Variants in NR1H2 observed in about 807,000 individuals in gnomAD.
The protein encoded by NR1H2 is oxysterols receptor LXR-beta.
A neutral mutation model predicts 51.2 loss-of-function variants in NR1H2; 33 were observed. The ratio of observed to expected loss-of-function variants is 0.64; its 90% CI spans 0.49 to 0.86. The LOEUF is 0.86. Ranked by LOEUF, NR1H2 falls within the 40% of genes least tolerant of loss-of-function variation. The pLI is 0.00. For missense variants in NR1H2, 592 were observed against 639.9 expected (o/e 0.93, Z 0.81); for synonymous variants, 310 against 264.3 (o/e 1.17, Z -1.68).
Position 50,378,294 on chromosome 19 carries a change from C to G in NR1H2, c.327C>G (p.Gly109=), listed in dbSNP as rs768393556. The change falls in exon 5 of 10, where the codon GGC becomes GGG. Residue 109 remains glycine, a synonymous_variant. Coordinates refer to ENST00000253727, the MANE Select transcript of NR1H2 (RefSeq NM_007121.7). Reference sequence around the variant, plus strand: ...TGCTCAGCTGCGAAGGCTGCAAGGGCTTCTTCCGGCGCAGTGTGGTCCGTG... The same window carrying G: ...TGCTCAGCTGCGAAGGCTGCAAGGGGTTCTTCCGGCGCAGTGTGGTCCGTG... ...YNVLSCEGCK[G]FFRRSVVRGG... 1 of 1,613,432 alleles carries G rather than the reference C, an allele frequency of 6.2e-7. No homozygotes were observed. Among genetic ancestry groups the G allele is most frequent in the Non-Finnish European group, 8.5e-7 (1 of 1,180,036 alleles).
At position 50,379,850 on chromosome 19, in the gene NR1H2, C is replaced by T; in HGVS notation, c.998C>T (p.Thr333Ile). The stretch of plus-strand genomic sequence containing the variant: ...TGTATCACCTTCTTGAAGGACTTCA[C>T]CTACAGCAAGGACGACTTCCACCGT... ...TECITFLKDF[T>I]YSKDDFHRAG... The change falls in exon 8 of 10, where the codon ACC becomes ATC. Residue 333 changes from threonine (T) to isoleucine (I), a missense_variant. Thr to Ile is a moderately conservative substitution (Grantham distance 89). This residue lies in a region of NR1H2 where 102 missense variants were observed against 152.4 expected (regional missense o/e 0.67). Coordinates refer to ENST00000253727, the MANE Select transcript of NR1H2 (RefSeq NM_007121.7). 3 of 1,613,856 alleles carry T rather than the reference C, an allele frequency of 1.9e-6. No homozygotes were observed. Among genetic ancestry groups the T allele is most frequent in the Non-Finnish European group, 2.5e-6 (3 of 1,179,768 alleles).
At chr19:50,381,432 C>T (rs958078976) in intron 8 of NR1H2, among the ~76,000 whole-genome samples, 3 of 152,244 alleles carry the variant, frequency 2.0e-5, no homozygotes, top group South Asian at 2.1e-4. Context: ...ACTCACAGCC[C>T]TCTGACAGGC....
At chr19:50,382,414 AGGGCAG>A in intron 9 of NR1H2, 36 bp from the exon 10 acceptor site, 1 of 1,549,144 alleles carries the variant, frequency 6.5e-7, no homozygotes, top group Non-Finnish European at 8.7e-7. Context: ...AAAGCCTGGC[AGGGCAG>A]GGGCTCAGCC....
rs1032317586 is a variant in NR1H2 at position 50,376,790 on chromosome 19, C to G, written c.-56C>G. On this transcript the variant is annotated 5_prime_UTR_variant, in exon 2 of 10. Transcript: ENST00000253727. ...CGCGCGCAGCCATGAGCCCCGCCCC[C>G]CGCTGTTGCTTGGAGAGGGGCGGGA... The G allele has an allele frequency of 2.6e-5, 4 of 152,134 alleles. No individual in the cohort carries two copies. The highest frequency in any genetic ancestry group is 9.7e-5 in the African/African-American group (4 of 41,406). 9.4% of individuals were successfully genotyped at this position (152,134 alleles called of 1,614,324 possible).
At position 50,376,841 on chromosome 19, in the gene NR1H2, C is replaced by T. The variant is rs529350659; in HGVS notation, c.-20+15C>T. On this transcript the variant is annotated intron_variant, in intron 2 of 9. Coordinates refer to ENST00000253727, the MANE Select transcript of NR1H2 (RefSeq NM_007121.7). ...CCTGGAGAGAGGTGCGAGGGCGGAG[C>T]ATGAATGGAGGAGGCGGGGCGGGGC... 9.3e-4 allele frequency: 135 copies of T among 144,814 alleles called. 3 individuals are homozygous for T. The South Asian group carries it at 0.021, about 23-fold the overall frequency. The allele number at this position is 144,814 out of a possible 1,614,324, so 9.0% of individuals were successfully genotyped here.
intron 9 of NR1H2, 29 bp from the exon 10 acceptor site, chr19:50,382,427 A>G (rs2037789818): frequency 6.4e-7 from 1 of 1,562,096 alleles, no homozygotes; most frequent in Non-Finnish European, 8.6e-7. Flanking sequence ...GCAGGGGCTC[A>G]GCCAGCGCCC....
chr19:50,378,922 G>A (rs758148338), intron 6 of NR1H2, 80 bp from the exon 7 acceptor site: 2 of 1,551,966 alleles, frequency 1.3e-6, no homozygotes, highest in Non-Finnish European at 1.7e-6. Flanking sequence ...ATCCCCCAGG[G>A]TGCAGGCTTG....
Position 50,378,423 on chromosome 19 carries a change from A to T in NR1H2, c.456A>T (p.Ala152=), listed in dbSNP as rs146873189. The change falls in exon 5 of 10, where the codon GCA becomes GCT. Residue 152 remains alanine, a synonymous_variant. Transcript: ENST00000253727. Reference sequence around the variant, plus strand: ...GCCGGCTGCGCAAGTGCAAGGAGGCAGGGATGAGGGAGCAGTGTGAGTGCA... The same window carrying T: ...GCCGGCTGCGCAAGTGCAAGGAGGCTGGGATGAGGGAGCAGTGTGAGTGCA... The part of the protein sequence containing the change: ...QQCRLRKCKE[A]GMREQCVLSE... 1.9e-5 allele frequency: 31 copies of T among 1,600,300 alleles called. No individual in the cohort carries two copies. Among genetic ancestry groups the T allele is most frequent in the Non-Finnish European group, 2.3e-5 (27 of 1,170,232 alleles).
At position 50,378,318 on chromosome 19, in the gene NR1H2, T is replaced by C. The variant is rs752869060; in HGVS notation, c.351T>C (p.Arg117=). ...GCTTCTTCCGGCGCAGTGTGGTCCG[T>C]GGTGGGGCCAGGCGCTATGCCTGCC... ...CKGFFRRSVV[R]GGARRYACRG... Residue 117 remains arginine, a synonymous_variant, in exon 5 of 10, where the codon CGT becomes CGC. Coordinates refer to ENST00000253727, the MANE Select transcript of NR1H2 (RefSeq NM_007121.7). 14 of 1,613,072 alleles carry C rather than the reference T, an allele frequency of 8.7e-6. No individual in the cohort carries two copies. Among genetic ancestry groups the C allele is most frequent in the Non-Finnish European group, 1.2e-5 (14 of 1,179,968 alleles).
At position 50,378,224 on chromosome 19, in the gene NR1H2, T is replaced by A; in HGVS notation, c.257T>A (p.Leu86His). The A allele has an allele frequency of 6.2e-7, 1 of 1,613,630 alleles. No individual in the cohort carries two copies. Among genetic ancestry groups the A allele is most frequent in the South Asian group, 1.1e-5 (1 of 91,090 alleles). The change falls in exon 5 of 10, where the codon CTT becomes CAT. Residue 86 changes from leucine to histidine, a missense_variant. Leu to His is a moderately conservative substitution (Grantham distance 99, BLOSUM62 -3). Coordinates refer to ENST00000253727, the MANE Select transcript of NR1H2 (RefSeq NM_007121.7). ...GPAPKMLGHE[L>H]CRVCGDKASG... ...GCCCCGAAGATGCTGGGCCACGAGC[T>A]TTGCCGTGTCTGTGGGGACAAGGCC... is the stretch of plus-strand genomic sequence containing the variant.
Position 50,382,463 on chromosome 19 carries a change from T to A in NR1H2, c.1244T>A (p.Leu415Gln). The A allele has an allele frequency of 6.2e-7, 1 of 1,600,062 alleles. No homozygotes were observed. ...YTRIKRPQDQ[L>Q]RFPRMLMKLV... is the part of the protein sequence containing the mutation. ...ACCTGCCTCCTCCCTCAGGACCAGC[T>A]GCGCTTCCCGCGCATGCTCATGAAG... The change falls in exon 10 of 10, where the codon CTG (leucine) becomes CAG (glutamine). Residue 415 changes from leucine to glutamine, a missense_variant. Transcript: ENST00000253727.
Position 50,383,255 on chromosome 19 carries a change from G to A in NR1H2, c.*653G>A, listed in dbSNP as rs528125396. Among the ~76,000 whole-genome samples the A allele has an allele frequency of 6.6e-6, 1 of 151,338 alleles. No individual in the cohort carries two copies. Among genetic ancestry groups the A allele is most frequent in the African/African-American group, 2.4e-5 (1 of 40,990 alleles). ...GAACTCACCCTTGAAGGATAAACAG[G>A]ATTTAAGTGAATGAGGGGACCTGGA... On this transcript the variant is annotated 3_prime_UTR_variant, in exon 10 of 10. Transcript: ENST00000253727.
Position 50,382,764 on chromosome 19 carries a change from C to T in NR1H2, c.*162C>T, listed in dbSNP as rs2037803727. 1.5e-6 allele frequency: 1 copy of T among 682,596 alleles called. No homozygotes were observed. Among genetic ancestry groups the T allele is most frequent in the Non-Finnish European group, 2.3e-6 (1 of 436,758 alleles). The allele number at this position is 682,596 out of a possible 1,614,324, so 42.3% of individuals were successfully genotyped here. On this transcript the variant is annotated 3_prime_UTR_variant, in exon 10 of 10. Transcript: ENST00000253727. ...GCCCCAGTCCAGGTCCAGGAGGCTC[C>T]CTCCCTGCCCAGCGAGTCTTCCAGA...
In NR1H2 at chr19:50,383,314, T is replaced by C. The variant is rs908969925; in HGVS notation, c.*712T>C. ...CGAACAACAAGTGTTTGCTGAGGCC[T>C]CCTGTGGGCCAGGCACTGGGTTGGC... is the stretch of plus-strand genomic sequence containing the variant. On this transcript the variant is annotated 3_prime_UTR_variant, in exon 10 of 10. Coordinates refer to ENST00000253727, the MANE Select transcript of NR1H2 (RefSeq NM_007121.7). Among the ~76,000 whole-genome samples, 1 of 152,214 alleles carries C rather than the reference T, an allele frequency of 6.6e-6. No homozygotes were observed. Among genetic ancestry groups the C allele is most frequent in the Non-Finnish European group, 1.5e-5 (1 of 68,038 alleles).
At position 50,377,800 on chromosome 19, in the gene NR1H2, G is replaced by A. The variant is rs372736536; in HGVS notation, c.111G>A (p.Pro37=). 38 of 1,610,068 alleles carry A rather than the reference G, an allele frequency of 2.4e-5. No homozygotes were observed. Among genetic ancestry groups the A allele is most frequent in the African/African-American group, 1.1e-4 (8 of 74,816 alleles). Residue 37 remains proline (P), a synonymous_variant, in exon 4 of 10, where the codon CCG becomes CCA. Coordinates refer to ENST00000253727, the MANE Select transcript of NR1H2 (RefSeq NM_007121.7). ...SPTVKEEGPE[P]WPGGPDPDVP... is the part of the protein sequence containing the mutation. ...CTGTAAAGGAGGAGGGTCCGGAGCCGTGGCCCGGGGGTCCGGACCCTGATG... is the reference window on the plus strand; with the variant it reads ...CTGTAAAGGAGGAGGGTCCGGAGCCATGGCCCGGGGGTCCGGACCCTGATG...
chr19:50,379,122 G>A lies in NR1H2; in HGVS notation c.868G>A (p.Gly290Ser). The A allele has an allele frequency of 6.2e-7, 1 of 1,614,050 alleles. No individual in the cohort carries two copies. The highest frequency in any genetic ancestry group is 8.5e-7 in the Non-Finnish European group (1 of 1,180,032). Residue 290 changes from glycine to serine, a missense_variant, in exon 7 of 10, where the codon GGT becomes AGT. By Grantham distance (56) the Gly-to-Ser change is moderately conservative. Transcript: ENST00000253727. ...CGTGGACTTCGCTAAGCAAGTGCCT[G>A]GTTTCCTGCAGCTGGGCCGGGAGGA... is the stretch of plus-strand genomic sequence containing the variant. ...EIVDFAKQVP[G>S]FLQLGREDQI...
intron 4 of NR1H2, 56 bp downstream of exon 4, chr19:50,377,926 G>A: frequency 6.7e-7 from 1 of 1,500,782 alleles, no homozygotes; most frequent in East Asian, 2.3e-5. Flanking sequence ...TAGGAAGGGA[G>A]AAAGAAATAG....
In NR1H2 at chr19:50,379,138, G is replaced by C. The variant is rs1601141237; in HGVS notation, c.884G>C (p.Gly295Ala). The change falls in exon 7 of 10, where the codon GGC becomes GCC. Residue 295 changes from glycine to alanine, a missense_variant. This residue lies in a region of NR1H2 where 102 missense variants were observed against 152.4 expected (regional missense o/e 0.67). Transcript: ENST00000253727. ...AKQVPGFLQLGREDQIALLKA... is the reference protein window; with the variant it reads ...AKQVPGFLQLAREDQIALLKA... ...CAAGTGCCTGGTTTCCTGCAGCTGG[G>C]CCGGGAGGACCAGATCGCCCTCCTG... 1 of 1,613,908 alleles carries C rather than the reference G, an allele frequency of 6.2e-7. No individual in the cohort carries two copies. Among genetic ancestry groups the C allele is most frequent in the African/African-American group, 1.3e-5 (1 of 75,052 alleles).
intron 9 of NR1H2, 35 bp from the exon 10 acceptor site, chr19:50,382,421 G>A (rs1215802225): frequency 1.3e-6 from 2 of 1,555,654 alleles, no homozygotes; most frequent in African/African-American, 1.4e-5. Flanking sequence ...GGCAGGGCAG[G>A]GGCTCAGCCA....
Sources: gnomAD v4.1 joint callset for allele counts (sites outside exome capture counted in the v4.1 genomes callset) on GRCh38, gnomAD v4.1.1 for gene constraint, gnomAD v4.1.1 regional missense constraint, MANE v1.5 for transcripts, NCBI Gene and HGNC (gene_info 2026-07-23, HGNC 2026-07-21) for gene names.